The following TGFBR3 variants were observed in gnomAD, a reference collection of about 807,000 sequenced individuals.
TGFBR3 encodes transforming growth factor beta receptor type 3.
In TGFBR3, 46 loss-of-function variants were observed where a neutral mutation model predicts 87.9. That is an observed-to-expected ratio of 0.52 (90% confidence interval 0.41 to 0.67). The LOEUF (loss-of-function observed/expected upper bound fraction) is 0.67, where lower values mean the gene tolerates loss of function less well. TGFBR3 is among the 30% of genes least tolerant of loss of function. TGFBR3 has a pLI of 0.00. For synonymous variants in TGFBR3, 381 were observed against 391.6 expected, an observed-to-expected ratio of 0.97 and a Z score of 0.32; for missense variants, 866 against 1,041.9, an observed-to-expected ratio of 0.83 and a Z score of 2.32.
Position 91,758,047 on chromosome 1 carries a change from G to C in TGFBR3, c.384+566C>G, listed in dbSNP as rs191526289. 1.1e-4 allele frequency among the ~76,000 whole-genome samples: 17 copies of C among 152,240 alleles called. No homozygotes were observed. The East Asian group carries it at 3.3e-3, about 29-fold the overall frequency. On this transcript the variant is annotated intron_variant, in intron 4 of 16. Transcript: ENST00000212355. ...ACAACTAGCACACTTGAATGTTCTG[G>C]CAAACTCAAAGGGACATGATTTACA...
chr1:91,776,917 A>C (rs1674586153), intron 3 of TGFBR3, among the ~76,000 whole-genome samples: 1 of 152,186 alleles, frequency 6.6e-6, no homozygotes, highest in African/African-American at 2.4e-5. Flanking sequence ...TTTGCTCCCC[A>C]AATCTCACCG....
rs570634359 is a variant in TGFBR3 at position 91,708,581 on chromosome 1, C to T, written c.2287+82G>A. ...CCCTTTAGTTATCTTGTGAATAAAG[C>T]TGGACTTTGATTTACACTATTGGGT... On this transcript the variant is annotated intron_variant, in intron 14 of 16. Transcript: ENST00000212355. The T allele has an allele frequency of 3.9e-5, 63 of 1,604,040 alleles. 1 individual carries two copies. The Admixed American group carries it at 4.8e-4, about 12-fold the overall frequency.
intron 16 of TGFBR3, among the ~76,000 whole-genome samples, chr1:91,691,693 C>T (rs991473240): frequency 6.6e-6 from 1 of 152,080 alleles, no homozygotes; most frequent in African/African-American, 2.4e-5. Flanking sequence ...AGAATGGTAG[C>T]GAAGAAGATC....
intron 10 of TGFBR3, among the ~76,000 whole-genome samples, chr1:91,717,826 A>C (rs1672225589): frequency 6.6e-6 from 1 of 152,068 alleles, no homozygotes; most frequent in South Asian, 2.1e-4. Flanking sequence ...TGAGAAAAAA[A>C]GGAACTTTAA....
At chr1:91,779,241 A>C (rs1571501403) in intron 3 of TGFBR3, among the ~76,000 whole-genome samples, 1 of 152,230 alleles carries the variant, frequency 6.6e-6, no homozygotes, top group Non-Finnish European at 1.5e-5. Context: ...GCTAACAATG[A>C]TAGCAGCTGA....
intron 3 of TGFBR3, among the ~76,000 whole-genome samples, chr1:91,790,517 T>A (rs929587422): frequency 2.9e-4 from 44 of 152,186 alleles, no homozygotes; most frequent in African/African-American, 1.0e-3. Context: ...TCAGAGGTAA[T>A]CTTCCCTGTC....
intron 4 of TGFBR3, among the ~76,000 whole-genome samples, chr1:91,748,054 G>T (rs1571469145): frequency 6.6e-6 from 1 of 152,174 alleles, no homozygotes; most frequent in Non-Finnish European, 1.5e-5. Context: ...TGCATATTCT[G>T]GCCCAGGAAC....
chr1:91,712,581 G>A, intron 12 of TGFBR3, 39 bp from the exon 13 acceptor site: 5 of 1,603,246 alleles, frequency 3.1e-6, no homozygotes, highest in Non-Finnish European at 3.4e-6. Flanking sequence ...AAATGAGTTA[G>A]CATCTCACTT....
intron 2 of TGFBR3, among the ~76,000 whole-genome samples, chr1:91,812,574 A>G (rs1557723947): frequency 6.6e-6 from 1 of 152,098 alleles, no homozygotes; most frequent in Non-Finnish European, 1.5e-5. Flanking sequence ...TTCAGTTACT[A>G]TATCTACCAA....
Position 91,680,979 on chromosome 1 carries a change from T to C in TGFBR3, c.*2760A>G. The C allele has an allele frequency of 2.2e-6, 1 of 454,146 alleles. No homozygotes were observed. 28.1% of individuals were successfully genotyped at this position (454,146 alleles called of 1,614,324 possible). A position where few individuals can be genotyped will look rare whatever the true frequency, so the allele number is the denominator to read the frequency against. ...CACATGGTGAAAAGCTATAGCGTAT[T>C]ATACAGACAATCTGCCTTGGAGTTT... On this transcript the variant is annotated 3_prime_UTR_variant, in exon 17 of 17. Transcript: ENST00000212355.
chr1:91,712,464 T>C lies in TGFBR3; in HGVS notation c.1945A>G (p.Arg649Gly). ...TCAATAATGGTGTAATGAGACATCC[T>C]ATCAGGGTTCGAATATGGAGAGATA... Reference protein sequence around the residue: ...CFISPYSNPDRMSHYTIIENI... With the variant: ...CFISPYSNPDGMSHYTIIENI... Residue 649 changes from arginine (R) to glycine (G), a missense_variant, in exon 13 of 17, where the codon AGG becomes GGG. Coordinates refer to ENST00000212355, the MANE Select transcript of TGFBR3 (RefSeq NM_003243.5). 1.9e-6 allele frequency: 3 copies of C among 1,614,222 alleles called. No homozygotes were observed. Among genetic ancestry groups the C allele is most frequent in the Non-Finnish European group, 2.5e-6 (3 of 1,180,020 alleles).
At chr1:91,844,845 A>C (rs927090174) in intron 2 of TGFBR3, among the ~76,000 whole-genome samples, 3 of 152,242 alleles carry the variant, frequency 2.0e-5, no homozygotes, top group African/African-American at 7.2e-5. Flanking sequence ...TTGTCAGTAC[A>C]AAGGCTTTCA....
chr1:91,875,277 A>G (rs1382505403), intron 1 of TGFBR3, among the ~76,000 whole-genome samples: 1 of 152,160 alleles, frequency 6.6e-6, no homozygotes, highest in East Asian at 1.9e-4. Flanking sequence ...TGGAAGAGTA[A>G]GCAGGAACCC....
At chr1:91,746,440 G>C (rs1673349371) in intron 4 of TGFBR3, among the ~76,000 whole-genome samples, 1 of 152,100 alleles carries the variant, frequency 6.6e-6, no homozygotes, top group Non-Finnish European at 1.5e-5. Flanking sequence ...TTCCTCATCT[G>C]CCAATGTTAG....
chr1:91,769,739 C>G (rs1405886208), intron 3 of TGFBR3, among the ~76,000 whole-genome samples: 2 of 151,916 alleles, frequency 1.3e-5, no homozygotes, highest in Admixed American at 1.3e-4. Flanking sequence ...CAGGCTTGAA[C>G]AAGCTCGGTG....
chr1:91,740,249 G>A (rs557722799), intron 4 of TGFBR3, among the ~76,000 whole-genome samples: 7 of 150,252 alleles, frequency 4.7e-5, no homozygotes, highest in Admixed American at 4.0e-4. Flanking sequence ...TAGTAAAGAC[G>A]GGTTTCACCA....
In TGFBR3 at chr1:91,716,259, C is replaced by G. The variant is rs1450607815; in HGVS notation, c.1843G>C (p.Glu615Gln). 2 of 1,614,154 alleles carry G rather than the reference C, an allele frequency of 1.2e-6. No individual in the cohort carries two copies. Among genetic ancestry groups the G allele is most frequent in the Non-Finnish European group, 1.7e-6 (2 of 1,180,020 alleles). ...VPSQGVFSVP[E>Q]NGHVYVEVSV... ...ACCTCAACATAAACGTGTCCATTCT[C>G]TGGCACAGAGAAGACGCCCTGGGAG... Residue 615 changes from glutamate to glutamine, a missense_variant, in exon 12 of 17, where the codon GAG (glutamate) becomes CAG (glutamine). Transcript: ENST00000212355.
In TGFBR3 at chr1:91,740,153, A is replaced by G. The variant is rs112561929; in HGVS notation, c.385-5194T>C. On this transcript the variant is annotated intron_variant, in intron 4 of 16. Transcript: ENST00000212355. ...CGGCTCACTGCAACCTCCACCTCCC[A>G]GGTTCAAGAGATTATTCTGCCTTAG... Among the ~76,000 whole-genome samples, 1,183 of 151,852 alleles carry G rather than the reference A, an allele frequency of 7.8e-3. 9 individuals are homozygous for G. The highest frequency in any genetic ancestry group is 0.028 in the South Asian group (136 of 4,792).
At position 91,716,556 on chromosome 1, in the gene TGFBR3, A is replaced by G; in HGVS notation, c.1707+12T>C. ...ATTTTCCACAAACCCCCTACTGATA[A>G]CAAACACATACCACCACGATTTCAG... On this transcript the variant is annotated intron_variant, in intron 11 of 16. Transcript: ENST00000212355. 1 of 1,614,130 alleles carries G rather than the reference A, an allele frequency of 6.2e-7. No homozygotes were observed. The highest frequency in any genetic ancestry group is 8.5e-7 in the Non-Finnish European group (1 of 1,180,038).
Sources: gnomAD v4.1 joint callset for allele counts (sites outside exome capture counted in the v4.1 genomes callset) on GRCh38, gnomAD v4.1.1 for gene constraint, MANE v1.5 for transcripts, NCBI Gene and HGNC (gene_info 2026-07-23, HGNC 2026-07-21) for gene names.